Variants in USP4 observed in about 807,000 individuals in gnomAD.
The protein encoded by USP4 is ubiquitin specific peptidase 4.
A neutral mutation model predicts 118.2 loss-of-function variants in USP4; 72 were observed. The ratio of observed to expected loss-of-function variants is 0.61; its 90% CI spans 0.50 to 0.74. USP4 has a LOEUF of 0.74. USP4 is among the 30% of genes least tolerant of loss of function. USP4 has a pLI of 0.00. For synonymous variants in USP4, 415 were observed against 440.4 expected, an observed-to-expected ratio of 0.94 and a Z score of 0.72; for missense variants, 1,037 against 1,185.7, an observed-to-expected ratio of 0.87 and a Z score of 1.84.
In USP4 at chr3:49,292,646, A is replaced by T. The variant is rs1452346786; in HGVS notation, c.1884-48T>A. 2.3e-6 allele frequency: 3 copies of T among 1,332,516 alleles called. No individual in the cohort carries two copies. In the East Asian group the frequency reaches 7.6e-5, roughly 34 times the overall value. The allele number at this position is 1,332,516 out of a possible 1,614,324, so 82.5% of individuals were successfully genotyped here. ...GAAAAAAAAGATTGTTAGTTGTAAC[A>T]TTTATCTATTTTTTCCACCATGCGG... On this transcript the variant is annotated intron_variant, in intron 14 of 21. Coordinates refer to ENST00000265560, the MANE Select transcript of USP4 (RefSeq NM_003363.4).
At chr3:49,301,458 C>G (rs1344152840) in intron 10 of USP4, among the ~76,000 whole-genome samples, 1 of 152,088 alleles carries the variant, frequency 6.6e-6, no homozygotes, top group East Asian at 1.9e-4. Flanking sequence ...GAGGCCGAAG[C>G]AGGCGGATCA....
chr3:49,291,118 AC>A (rs1408818952), intron 15 of USP4, among the ~76,000 whole-genome samples: 4 of 151,712 alleles, frequency 2.6e-5, no homozygotes, highest in African/African-American at 7.3e-5. Context: ...ACAGGTGCCC[AC>A]CACCACGCCT....
chr3:49,311,639 AG>A lies in USP4; in HGVS notation c.710del (p.Pro237LeufsTer77). ...TTGGAGAGGTAGTAAAATTTCTGCT[AG>A]GCGCAGTGCTTGATCTGGGAGAGAG... Reference protein sequence around the residue: ...QTLQSKSSTAPSRNFTTSPKS... With the variant: ...QTLQSKSSTAXSRNFTTSPKS... On this transcript the variant is annotated frameshift_variant, in exon 7 of 22. Transcript: ENST00000265560. LOFTEE classifies it high-confidence loss of function. 1 of 1,613,868 alleles carries A rather than the reference AG, an allele frequency of 6.2e-7. No homozygotes were observed. Among genetic ancestry groups the A allele is most frequent in the Non-Finnish European group, 8.5e-7 (1 of 1,179,820 alleles).
At chr3:49,312,275 A>G in intron 6 of USP4, 1 of 290,366 alleles carries the variant, frequency 3.4e-6, no homozygotes, top group Non-Finnish European at 7.0e-6. Flanking sequence ...ATTCAAGACC[A>G]GCCTGGCCAT....
intron 1 of USP4, among the ~76,000 whole-genome samples, chr3:49,338,449 T>G (rs1312808502): frequency 6.6e-6 from 1 of 150,690 alleles, no homozygotes; most frequent in African/African-American, 2.4e-5. Flanking sequence ...ACCTGAGATC[T>G]GGAATTCGAG....
intron 6 of USP4, chr3:49,316,764 G>A (rs1395251691): frequency 7.1e-6 from 3 of 420,940 alleles, no homozygotes; most frequent in African/African-American, 5.9e-5. Flanking sequence ...GGCCTCTGCT[G>A]GCTGAGGGGA....
chr3:49,298,482 G>A lies in USP4; in HGVS notation c.1596+70C>T, dbSNP rs73830703. On this transcript the variant is annotated intron_variant, in intron 12 of 21. Coordinates refer to ENST00000265560, the MANE Select transcript of USP4 (RefSeq NM_003363.4). ...AACAACCCCAAAAAGTGGCTTCAAGGTTGAAAGTAAACTCCAAATGCTATG... is the reference window on the plus strand; with the variant it reads ...AACAACCCCAAAAAGTGGCTTCAAGATTGAAAGTAAACTCCAAATGCTATG... 7,051 of 1,516,006 alleles carry A rather than the reference G, an allele frequency of 4.7e-3. 282 individuals carry two copies. The African/African-American group carries it at 0.085, about 18-fold the overall frequency. 93.9% of individuals were successfully genotyped at this position (1,516,006 alleles called of 1,614,324 possible). A position where few individuals can be genotyped will look rare whatever the true frequency, so the allele number is the denominator to read the frequency against.
chr3:49,315,515 G>A (rs189521250), intron 6 of USP4, among the ~76,000 whole-genome samples: 3 of 152,246 alleles, frequency 2.0e-5, no homozygotes, highest in Non-Finnish European at 2.9e-5. Flanking sequence ...AGGAAGCCAG[G>A]AGAAATGTCT....
chr3:49,324,859 AGCTACC>A, intron 5 of USP4, 29 bp downstream of exon 5: 1 of 1,613,994 alleles, frequency 6.2e-7, no homozygotes, highest in Non-Finnish European at 8.5e-7. Context: ...CCCTGGGCAG[AGCTACC>A]TGCTGGGGAA....
chr3:49,302,201 A>G (rs998403456), intron 10 of USP4, among the ~76,000 whole-genome samples, 183 bp downstream of exon 10: 7 of 151,992 alleles, frequency 4.6e-5, no homozygotes, highest in African/African-American at 1.7e-4. Context: ...AAAAAAAAAA[A>G]AAAAAAAGCA....
chr3:49,325,509 A>C (rs2047544407), intron 4 of USP4, among the ~76,000 whole-genome samples: 1 of 152,074 alleles, frequency 6.6e-6, no homozygotes, highest in Admixed American at 6.6e-5. Context: ...TCATTATCAT[A>C]GACAAATGGG....
At chr3:49,320,762 C>T (rs2047490762) in intron 6 of USP4, among the ~76,000 whole-genome samples, 1 of 152,148 alleles carries the variant, frequency 6.6e-6, no homozygotes, top group Non-Finnish European at 1.5e-5. Flanking sequence ...CCTTTTTCCA[C>T]ATGTTCTAAC....
Position 49,278,136 on chromosome 3 carries a change from G to T in USP4, c.*157C>A. On this transcript the variant is annotated 3_prime_UTR_variant, in exon 22 of 22. Transcript: ENST00000265560. ...TTGACATAGCTTCTTCTAGGTAAAC[G>T]GTCTTCTTTTTTTTTTTTTGTTTCC... 2 of 768,566 alleles carry T rather than the reference G, an allele frequency of 2.6e-6. No homozygotes were observed. Among genetic ancestry groups the T allele is most frequent in the South Asian group, 2.8e-5 (1 of 35,510 alleles). 47.6% of individuals were successfully genotyped at this position (768,566 alleles called of 1,614,324 possible).
At chr3:49,325,925 A>G (rs2047549873) in intron 3 of USP4, 80 bp from the exon 4 acceptor site, 4 of 1,537,934 alleles carry the variant, frequency 2.6e-6, no homozygotes, top group Admixed American at 1.8e-5. Flanking sequence ...TATCAGAAGC[A>G]AAAAGCAGAA....
chr3:49,339,097 A>C (rs1005168428), intron 1 of USP4, among the ~76,000 whole-genome samples: 5 of 152,236 alleles, frequency 3.3e-5, no homozygotes, highest in African/African-American at 7.2e-5. Context: ...CCGTGAGCCA[A>C]GATCACGCCA....
rs914981735 is a variant in USP4 at position 49,337,418 on chromosome 3, T to G, written c.102-1822A>C. The stretch of plus-strand genomic sequence containing the variant: ...AACTTACCACTTTTTTACTTAAATG[T>G]AAGCAAATGTGGTATTTTATTTACC... On this transcript the variant is annotated intron_variant, in intron 1 of 21. Coordinates refer to ENST00000265560, the MANE Select transcript of USP4 (RefSeq NM_003363.4). Among the ~76,000 whole-genome samples, 9 of 152,182 alleles carry G rather than the reference T, an allele frequency of 5.9e-5. No homozygotes were observed. The East Asian group carries it at 1.7e-3, about 29-fold the overall frequency.
At chr3:49,309,826 C>A (rs1381361196) in intron 8 of USP4, among the ~76,000 whole-genome samples, 2 of 150,230 alleles carry the variant, frequency 1.3e-5, no homozygotes, top group Non-Finnish European at 3.0e-5. Context: ...GGGGTTTTGC[C>A]ATGTTGGCTA....
chr3:49,325,912 T>A (rs977428566), intron 3 of USP4, 67 bp from the exon 4 acceptor site: 2 of 1,576,878 alleles, frequency 1.3e-6, no homozygotes, highest in South Asian at 1.1e-5. Flanking sequence ...ATGTAGCATA[T>A]CTTATCAGAA....
chr3:49,327,837 A>AT (rs2047573629), intron 2 of USP4, 21 bp from the exon 3 acceptor site: 1 of 1,605,768 alleles, frequency 6.2e-7, no homozygotes, highest in African/African-American at 1.3e-5. Flanking sequence ...AAAAGAGCAC[A>AT]TAAGTCACTG....
Sources: allele counts gnomAD v4.1 joint callset (sites outside exome capture counted in the v4.1 genomes callset), GRCh38; gene constraint gnomAD v4.1.1; transcripts MANE v1.5; gene names NCBI Gene and HGNC (gene_info 2026-07-23, HGNC 2026-07-21).